CEP63: variants seen among roughly 807,000 people sequenced by gnomAD.
CEP63 encodes the protein centrosomal protein of 63 kDa.
A neutral mutation model predicts 89.1 loss-of-function variants in CEP63; 84 were observed. The ratio of observed to expected loss-of-function variants is 0.94; its 90% CI spans 0.79 to 1.13. The LOEUF (loss-of-function observed/expected upper bound fraction) is 1.13. Among genes scored for constraint, CEP63 ranks in the 50% most tolerant of loss-of-function variants. The pLI, the probability that CEP63 is intolerant of heterozygous loss-of-function variation, is 0.00. For synonymous variants in CEP63, 267 were observed against 272.5 expected, an observed-to-expected ratio of 0.98 and a Z score of 0.20; for missense variants, 838 against 813.3, an observed-to-expected ratio of 1.03 and a Z score of -0.37.
At chr3:134,750,689 T>A in the CEP63 span, among the ~76,000 whole-genome samples, 24,806 of 152,142 alleles carry the variant, frequency 0.16, 2,525 homozygotes, top group South Asian at 0.37. Flanking sequence ...CTACAAGCCA[T>A]GTATTGATCC....
At chr3:134,616,922 A>T in the CEP63 span, among the ~76,000 whole-genome samples, 1 of 152,220 alleles carries the variant, frequency 6.6e-6, no homozygotes, top group African/African-American at 2.4e-5. Flanking sequence ...CAGGTAGGCA[A>T]TCTAGTCTCC....
the CEP63 span, among the ~76,000 whole-genome samples, chr3:134,681,569 C>T: frequency 6.6e-6 from 1 of 152,250 alleles, no homozygotes; most frequent in East Asian, 1.9e-4. Flanking sequence ...AGTGGAAGGA[C>T]TACTGTGAAG....
chr3:134,703,915 C>G, the CEP63 span, among the ~76,000 whole-genome samples: 1 of 152,212 alleles, frequency 6.6e-6, no homozygotes, highest in Admixed American at 6.5e-5. Flanking sequence ...TGAAGTCTCT[C>G]TTAGATAAAG....
At chr3:134,610,697 C>T in the CEP63 span, 2 of 243,072 alleles carry the variant, frequency 8.2e-6, no homozygotes, top group Non-Finnish European at 1.6e-5. Context: ...TGACACGCTC[C>T]TCAAGCAGCT....
chr3:134,594,208 C>G, the CEP63 span, among the ~76,000 whole-genome samples: 4 of 152,126 alleles, frequency 2.6e-5, no homozygotes, highest in East Asian at 5.8e-4. Context: ...CATCCTTTAC[C>G]CAGATGGGAG....
At chr3:134,622,433 A>G in the CEP63 span, among the ~76,000 whole-genome samples, 1 of 152,250 alleles carries the variant, frequency 6.6e-6, no homozygotes, top group Non-Finnish European at 1.5e-5. Flanking sequence ...GAACCTTGAA[A>G]ACATGATGCT....
chr3:134,507,059 G>T, intron 2 of CEP63, 50 bp from the exon 3 acceptor site: 1 of 1,443,538 alleles, frequency 6.9e-7, no homozygotes, highest in Non-Finnish European at 9.7e-7. Flanking sequence ...AAGATGAAAA[G>T]CCACTTGAAC....
chr3:134,615,658 G>A, the CEP63 span, among the ~76,000 whole-genome samples: 1 of 150,608 alleles, frequency 6.6e-6, no homozygotes, highest in Admixed American at 6.6e-5. Flanking sequence ...CTTTGGTGTA[G>A]CTATAAGGGT....
Position 134,524,793 on chromosome 3 carries a change from T to C in CEP63, c.223-7052T>C, listed in dbSNP as rs142745920. 3.3e-5 allele frequency among the ~76,000 whole-genome samples: 5 copies of C among 152,332 alleles called. No individual in the cohort carries two copies. The East Asian group carries it at 5.8e-4, about 18-fold the overall frequency. On this transcript the variant is annotated intron_variant, in intron 3 of 14. Transcript: ENST00000675561. ...CTGGATTTGATTTGCCATTATTTTG[T>C]TGAGGATTTCTGCATCAATGTTCAT...
chr3:134,487,430 G>T (rs1935970282), intron 1 of CEP63, among the ~76,000 whole-genome samples: 3 of 152,220 alleles, frequency 2.0e-5, no homozygotes, highest in Non-Finnish European at 4.4e-5. Context: ...TAAAAATTGT[G>T]TATGTTGATT....
the CEP63 span, among the ~76,000 whole-genome samples, chr3:134,716,730 A>G: frequency 7.9e-5 from 12 of 151,580 alleles, no homozygotes; most frequent in Non-Finnish European, 1.6e-4. Flanking sequence ...CACAACAGCC[A>G]CCCCCCCAAT....
the CEP63 span, among the ~76,000 whole-genome samples, chr3:134,635,493 T>TA: frequency 7.2e-3 from 575 of 79,330 alleles, 15 homozygotes; most frequent in African/African-American, 0.021. Flanking sequence ...CGAGACTCTG[T>TA]AAAAAAAAAA....
intron 6 of CEP63, among the ~76,000 whole-genome samples, chr3:134,542,500 G>A (rs9835204): frequency 2.0e-5 from 3 of 152,076 alleles, no homozygotes; most frequent in African/African-American, 7.2e-5. Context: ...CTGCACTGGC[G>A]CATTTGGAGT....
chr3:134,496,925 C>T (rs927655175), intron 2 of CEP63, among the ~76,000 whole-genome samples: 1 of 152,086 alleles, frequency 6.6e-6, no homozygotes, highest in Admixed American at 6.5e-5. Context: ...TGTCCACATC[C>T]CCCCCAGCAT....
At position 134,531,849 on chromosome 3, in the gene CEP63, G is replaced by A; in HGVS notation, c.227G>A (p.Gly76Glu). 1 of 1,612,208 alleles carries A rather than the reference G, an allele frequency of 6.2e-7. No homozygotes were observed. The highest frequency in any genetic ancestry group is 8.5e-7 in the Non-Finnish European group (1 of 1,178,454). Residue 76 changes from glycine (G) to glutamate (E), a missense_variant, in exon 4 of 15, where the codon GGA (glycine) becomes GAA (glutamate). Coordinates refer to ENST00000675561, the MANE Select transcript of CEP63 (RefSeq NM_001353108.3). The part of the protein sequence containing the change: ...SQLDVTHKEV[G>E]MLHQQVEEHE... ...CTACCACCTTTCTGCTTTTAGGTTGGAATGTTGCATCAGCAGGTAGAAGAA... is the reference window on the plus strand; with the variant it reads ...CTACCACCTTTCTGCTTTTAGGTTGAAATGTTGCATCAGCAGGTAGAAGAA...
the CEP63 span, among the ~76,000 whole-genome samples, chr3:134,627,374 T>C: frequency 3.3e-5 from 5 of 152,320 alleles, no homozygotes; most frequent in South Asian, 6.2e-4. Context: ...AGGCTGTCTA[T>C]CATCCCTCTC....
Position 134,564,211 on chromosome 3 carries a change from A to G in CEP63, c.*2676A>G, listed in dbSNP as rs1560065516. On this transcript the variant is annotated 3_prime_UTR_variant, in exon 15 of 15. Transcript: ENST00000675561. ...ATCCTCATCACCCAGCACAAGCCCA[A>G]CACTTAGGAGAGGCTCAGCTAGTTT... The G allele has an allele frequency of 2.0e-6, 2 of 981,482 alleles. No homozygotes were observed. The highest frequency in any genetic ancestry group is 2.4e-6 in the Non-Finnish European group (2 of 826,440). 60.8% of individuals were successfully genotyped at this position (981,482 alleles called of 1,614,324 possible). A position where few individuals can be genotyped will look rare whatever the true frequency, so the allele number is the denominator to read the frequency against.
chr3:134,707,277 G>C, the CEP63 span, among the ~76,000 whole-genome samples: 1 of 152,180 alleles, frequency 6.6e-6, no homozygotes, highest in African/African-American at 2.4e-5. Context: ...TGCAATGGTT[G>C]AGAGATACAG....
In CEP63 at chr3:134,505,264, T is replaced by A. The variant is rs76961739; in HGVS notation, c.45-1845T>A. Among the ~76,000 whole-genome samples, 1,506 of 152,262 alleles carry A rather than the reference T, an allele frequency of 9.9e-3. 42 individuals are homozygous for A. Among genetic ancestry groups the A allele is most frequent in the East Asian group, 0.069 (356 of 5,180 alleles). Reference sequence around the variant, plus strand: ...TTCCAATTATATGGATTGGCTTTCATAGGGAAAATTTTTTTCATATAGGTG... The same window carrying A: ...TTCCAATTATATGGATTGGCTTTCAAAGGGAAAATTTTTTTCATATAGGTG... On this transcript the variant is annotated intron_variant, in intron 2 of 14. Transcript: ENST00000675561.
Sources: gnomAD v4.1 joint callset for allele counts (sites outside exome capture counted in the v4.1 genomes callset) on GRCh38, gnomAD v4.1.1 for gene constraint, MANE v1.5 for transcripts, NCBI Gene and HGNC (gene_info 2026-07-23, HGNC 2026-07-21) for gene names.